The following DNAH5 variants were observed in gnomAD, a reference collection of about 807,000 sequenced individuals.
DNAH5 encodes dynein axonemal heavy chain 5, also known as axonemal beta dynein heavy chain 5.
A neutral mutation model predicts 518.2 loss-of-function variants in DNAH5; 372 were observed. The ratio of observed to expected loss-of-function variants is 0.72; its 90% CI spans 0.66 to 0.78. The LOEUF is 0.78. Among genes scored for constraint, DNAH5 ranks in the 30% least tolerant of loss-of-function variants. DNAH5 has a pLI of 0.00. For missense variants in DNAH5, 5,523 were observed against 5,687.0 expected, an observed-to-expected ratio of 0.97 and a Z score of 0.93; for synonymous variants, 2,039 against 2,025.9, an observed-to-expected ratio of 1.01 and a Z score of -0.17.
At chr5:13,986,523 T>C (rs1783065415) in intron 1 of DNAH5, among the ~76,000 whole-genome samples, 1 of 152,176 alleles carries the variant, frequency 6.6e-6, no homozygotes, top group South Asian at 2.1e-4. Context: ...ACACTAGTGA[T>C]TGGCTTCTCT....
At position 13,914,570 on chromosome 5, in the gene DNAH5, G is replaced by C. The variant is rs1388746021; in HGVS notation, c.1270C>G (p.Pro424Ala). 1 of 1,613,412 alleles carries C rather than the reference G, an allele frequency of 6.2e-7. No homozygotes were observed. The highest frequency in any genetic ancestry group is 2.2e-5 in the East Asian group (1 of 44,842). Residue 424 changes from proline to alanine, a missense_variant, in exon 10 of 79, where the codon CCA becomes GCA. Pro to Ala is a conservative substitution (Grantham distance 27). Transcript: ENST00000265104. ...NNGTASIWNQ[P>A]QDVVEEKILS... ...ATTTTTTCTTCAACAACATCCTGTG[G>C]CTGGTTCCAGATGGAAGCGGTTCCA...
chr5:13,732,452 C>A (rs1254221086), intron 68 of DNAH5, among the ~76,000 whole-genome samples: 1 of 152,106 alleles, frequency 6.6e-6, no homozygotes, highest in South Asian at 2.1e-4. Context: ...CTGCAACCTC[C>A]GCCTCCCAGG....
rs147328151 is a variant in DNAH5, at chr5:13,872,779, A to G, written c.3397-1014T>C. Reference sequence around the variant, plus strand: ...CTAAAGCAGCAAGTCACAGAGGAGTACAGTCCTGTGTGCCACTCCCCCTCC... The same window carrying G: ...CTAAAGCAGCAAGTCACAGAGGAGTGCAGTCCTGTGTGCCACTCCCCCTCC... On this transcript the variant is annotated intron_variant, in intron 22 of 78. Coordinates refer to ENST00000265104, the MANE Select transcript of DNAH5 (RefSeq NM_001369.3). 2.4e-4 allele frequency among the ~76,000 whole-genome samples: 36 copies of G among 152,280 alleles called. No individual in the cohort carries two copies. The East Asian group carries it at 6.6e-3, about 28-fold the overall frequency.
At chr5:13,811,625 T>C in intron 44 of DNAH5, 22 bp downstream of exon 44, 1 of 1,612,274 alleles carries the variant, frequency 6.2e-7, no homozygotes, top group Non-Finnish European at 8.5e-7. Flanking sequence ...AGAGAATTTC[T>C]CTAGAAAGTT....
intron 58 of DNAH5, among the ~76,000 whole-genome samples, chr5:13,768,274 G>A (rs1580136237): frequency 6.6e-6 from 1 of 152,148 alleles, no homozygotes; most frequent in Non-Finnish European, 1.5e-5. Context: ...CAGGAGATCT[G>A]ATGGTTTCAA....
intron 30 of DNAH5, among the ~76,000 whole-genome samples, chr5:13,851,224 C>A (rs1766791568): frequency 6.6e-6 from 1 of 151,952 alleles, no homozygotes; most frequent in South Asian, 2.1e-4. Flanking sequence ...AATAAAGATA[C>A]AAAATTAATT....
intron 76 of DNAH5, among the ~76,000 whole-genome samples, chr5:13,703,732 T>C (rs1352259765): frequency 2.0e-5 from 3 of 152,156 alleles, no homozygotes; most frequent in Non-Finnish European, 4.4e-5. Flanking sequence ...CATTCCAAGA[T>C]CCTTGACCCT....
At position 13,870,958 on chromosome 5, in the gene DNAH5, C is replaced by A. The variant is rs763448297; in HGVS notation, c.3643G>T (p.Val1215Phe). 2 of 1,613,690 alleles carry A rather than the reference C, an allele frequency of 1.2e-6. No individual in the cohort carries two copies. Among genetic ancestry groups the A allele is most frequent in the African/African-American group, 2.7e-5 (2 of 75,002 alleles). Residue 1215 changes from valine to phenylalanine, a missense_variant, in exon 24 of 79, where the codon GTT becomes TTT. Physicochemically the swap from Val to Phe is conservative, Grantham distance 50. Around this residue, in one of 3 missense-constraint regions of DNAH5, gnomAD observed 5,121 missense variants for 5,223.3 expected, o/e 0.98. Transcript: ENST00000265104. ...ALTAETKAWM[V>F]VIGRHCNKKY... is the part of the protein sequence containing the mutation. ...TTGTTACAGTGGCGTCCAATGACAA[C>A]CATCCAGGCCTTTGTCTCAGCAGTC...
intron 1 of DNAH5, among the ~76,000 whole-genome samples, chr5:13,951,208 G>GTTT (rs869082404): frequency 3.0e-5 from 2 of 66,590 alleles, no homozygotes; most frequent in Non-Finnish European, 2.5e-5. Context: ...TGTTTTTTTC[G>GTTT]TTTTTTTTTT....
At chr5:13,830,307 G>C in intron 36 of DNAH5, 94 bp from the exon 37 acceptor site, 1 of 1,198,458 alleles carries the variant, frequency 8.3e-7, no homozygotes, top group Middle Eastern at 2.4e-4. Context: ...TGAGCCAGAT[G>C]TAAGTTCATT....
Position 13,707,999 on chromosome 5 carries a change from G to T in DNAH5, c.13338+124C>A. On this transcript the variant is annotated intron_variant, in intron 76 of 78. Coordinates refer to ENST00000265104, the MANE Select transcript of DNAH5 (RefSeq NM_001369.3). The surrounding 1 kb of genome is among the most constrained non-coding windows in gnomAD (Gnocchi z 4.0). ...ATGGTCTAAAAATACAGGGCTACAG[G>T]GGGCTTCGTCCCTGTGCAAAAGAAT... The T allele has an allele frequency of 8.7e-7, 1 of 1,153,544 alleles. No homozygotes were observed. Among genetic ancestry groups the T allele is most frequent in the Non-Finnish European group, 1.3e-6 (1 of 770,606 alleles). The allele number at this position is 1,153,544 out of a possible 1,614,324, so 71.5% of individuals were successfully genotyped here.
chr5:13,715,764 C>G (rs1345819483), intron 74 of DNAH5, among the ~76,000 whole-genome samples: 1 of 152,188 alleles, frequency 6.6e-6, no homozygotes, highest in Non-Finnish European at 1.5e-5. Flanking sequence ...AGAAATCTAC[C>G]TATTCCTTCT....
At chr5:13,831,527 A>T (rs1763672139) in intron 35 of DNAH5, among the ~76,000 whole-genome samples, 1 of 152,214 alleles carries the variant, frequency 6.6e-6, no homozygotes, top group Non-Finnish European at 1.5e-5. Context: ...CTTGAAAAAG[A>T]CTTCCAAGGA....
chr5:13,834,150 TTAGGG>T (rs1764057218), intron 35 of DNAH5, among the ~76,000 whole-genome samples: 1 of 152,194 alleles, frequency 6.6e-6, no homozygotes, highest in African/African-American at 2.4e-5. Context: ...AAATGGGCAT[TTAGGG>T]TAAACAGACA....
At chr5:13,784,455 C>T (rs1271443837) in intron 52 of DNAH5, among the ~76,000 whole-genome samples, 1 of 152,194 alleles carries the variant, frequency 6.6e-6, no homozygotes, top group Admixed American at 6.5e-5. Context: ...AAGCCAAGTG[C>T]CCTCGTGCTG....
intron 1 of DNAH5, among the ~76,000 whole-genome samples, chr5:13,998,470 C>T (rs1784118427): frequency 6.6e-6 from 1 of 152,194 alleles, no homozygotes; most frequent in African/African-American, 2.4e-5. Flanking sequence ...TTTACAAAAA[C>T]ACATGCGCAT....
In DNAH5 at chr5:13,712,379, A is replaced by G. The variant is rs112135332; in HGVS notation, c.13125+2026T>C. Among the ~76,000 whole-genome samples the G allele has an allele frequency of 1.0e-3, 153 of 152,322 alleles. 1 individual carries two copies. Among genetic ancestry groups the G allele is most frequent in the African/African-American group, 3.6e-3 (149 of 41,574 alleles). ...AACTACAAAAATTCTCGACAATAACATTGGAAAAACCCTTCTAGACATCAG... is the reference window on the plus strand; with the variant it reads ...AACTACAAAAATTCTCGACAATAACGTTGGAAAAACCCTTCTAGACATCAG... On this transcript the variant is annotated intron_variant, in intron 75 of 78. Coordinates refer to ENST00000265104, the MANE Select transcript of DNAH5 (RefSeq NM_001369.3).
intron 1 of DNAH5, among the ~76,000 whole-genome samples, chr5:13,960,427 T>A (rs1178999048): frequency 1.3e-5 from 2 of 152,234 alleles, no homozygotes; most frequent in African/African-American, 4.8e-5. Flanking sequence ...TGGCAAACTA[T>A]GGCTCATGTG....
chr5:13,802,975 A>G (rs1014546932), intron 47 of DNAH5, among the ~76,000 whole-genome samples: 19 of 146,610 alleles, frequency 1.3e-4, no homozygotes, highest in Middle Eastern at 7.3e-3. Flanking sequence ...TGCATTAATG[A>G]TATAATATAT....
Sources: allele counts gnomAD v4.1 joint callset (sites outside exome capture counted in the v4.1 genomes callset), GRCh38; gene constraint gnomAD v4.1.1; regional missense constraint gnomAD v4.1.1; non-coding constraint Gnocchi (gnomAD v3.1); transcripts MANE v1.5; gene names NCBI Gene and HGNC (gene_info 2026-07-23, HGNC 2026-07-21).